The following JADE2 variants were observed in gnomAD, a reference collection of about 807,000 sequenced individuals.
JADE2 encodes the protein jade family PHD finger 2, also known as E3 ubiquitin-protein ligase Jade-2.
JADE2 carries 13 observed loss-of-function variants against 85.7 expected under a neutral mutation model. The ratio of observed to expected loss-of-function variants is 0.15; its 90% CI spans 0.10 to 0.24. The LOEUF is 0.24. JADE2 is among the 10% of genes least tolerant of loss of function. The pLI, the probability that JADE2 is intolerant of heterozygous loss-of-function variation, is 1.00. For missense variants in JADE2, 846 were observed against 1,115.9 expected, an observed-to-expected ratio of 0.76 and a Z score of 3.45; for synonymous variants, 440 against 456.1, an observed-to-expected ratio of 0.96 and a Z score of 0.45.
intron 1 of JADE2, among the ~76,000 whole-genome samples, chr5:134,528,726 G>A (rs1004922436): frequency 6.6e-6 from 1 of 152,196 alleles, no homozygotes; most frequent in South Asian, 2.1e-4. Context: ...GGAAGTCCTC[G>A]CCCCAGGCAG....
chr5:134,569,006 T>C (rs929458552), intron 9 of JADE2, among the ~76,000 whole-genome samples: 2 of 152,228 alleles, frequency 1.3e-5, no homozygotes, highest in Non-Finnish European at 2.9e-5. Flanking sequence ...AGCCTGACTT[T>C]GCATCCAGTT....
At chr5:134,543,706 AG>A (rs1415459518) in intron 3 of JADE2, among the ~76,000 whole-genome samples, 2 of 152,072 alleles carry the variant, frequency 1.3e-5, no homozygotes, top group Non-Finnish European at 2.9e-5. Flanking sequence ...AAAAGCAAAA[AG>A]ACAACTGCCA....
In JADE2 at chr5:134,575,971, T is replaced by C. The variant is rs1440962028; in HGVS notation, c.1553-797T>C. On this transcript the variant is annotated intron_variant, in intron 10 of 11. Coordinates refer to ENST00000681547, the MANE Select transcript of JADE2 (RefSeq NM_001388185.1). ...ATCCCAGCACTTTGGGAGGCCAAGG[T>C]GGAAGGATTACTGGAGCCCAAGAGT... Among the ~76,000 whole-genome samples the C allele has an allele frequency of 1.3e-5, 2 of 151,858 alleles. 1 individual carries two copies. Among genetic ancestry groups the C allele is most frequent in the East Asian group, 3.9e-4 (2 of 5,178 alleles).
intron 9 of JADE2, among the ~76,000 whole-genome samples, chr5:134,572,297 C>A (rs755250056): frequency 3.3e-5 from 5 of 152,228 alleles, no homozygotes; most frequent in Non-Finnish European, 2.9e-5. Context: ...GGCGCACACA[C>A]CAGCGTGGAA....
chr5:134,541,041 C>T (rs903988979), intron 3 of JADE2, among the ~76,000 whole-genome samples: 4 of 152,354 alleles, frequency 2.6e-5, no homozygotes, highest in Non-Finnish European at 4.4e-5. Flanking sequence ...ATGCCCAACC[C>T]TGCTGGGGAC....
At chr5:134,552,532 A>G (rs1762651983) in intron 4 of JADE2, among the ~76,000 whole-genome samples, 1 of 152,202 alleles carries the variant, frequency 6.6e-6, no homozygotes, top group African/African-American at 2.4e-5. Flanking sequence ...AATGCTAACA[A>G]TAACTAACCT....
chr5:134,566,040 TG>T lies in JADE2; in HGVS notation c.970-71del. 3 of 1,288,560 alleles carry T rather than the reference TG, an allele frequency of 2.3e-6. No homozygotes were observed. Among genetic ancestry groups the T allele is most frequent in the Non-Finnish European group, 3.3e-6 (3 of 908,190 alleles). The allele number at this position is 1,288,560 out of a possible 1,614,324, so 79.8% of individuals were successfully genotyped here. A position where few individuals can be genotyped will look rare whatever the true frequency, so the allele number is the denominator to read the frequency against. ...GCATTGCGCATTCTCAGTAGAGCCCTGGGGGAAGCCCCTCTGTCTTCTCCCC... is the reference window on the plus strand; with the variant it reads ...GCATTGCGCATTCTCAGTAGAGCCCTGGGGAAGCCCCTCTGTCTTCTCCCC... On this transcript the variant is annotated intron_variant, in intron 8 of 11. Transcript: ENST00000681547. The surrounding 1 kb of genome is among the most constrained non-coding windows in gnomAD (Gnocchi z 6.7).
intron 3 of JADE2, 39 bp downstream of exon 3, chr5:134,538,122 G>A (rs747635198): frequency 1.3e-5 from 19 of 1,494,238 alleles, no homozygotes; most frequent in Non-Finnish European, 1.5e-5. Flanking sequence ...TGTGGGGAGT[G>A]AGAGTGAGCT....
At chr5:134,559,213 G>C (rs185035482) in intron 4 of JADE2, among the ~76,000 whole-genome samples, 4 of 152,160 alleles carry the variant, frequency 2.6e-5, no homozygotes, top group Admixed American at 1.3e-4. Flanking sequence ...GTGTAACCAG[G>C]TAGGGCTCCT....
In JADE2 at chr5:134,526,532, G is replaced by C. The variant is rs1760831813; in HGVS notation, c.-1+521G>C. The C allele has an allele frequency of 4.1e-6, 4 of 985,274 alleles. No individual in the cohort carries two copies. The African/African-American group carries it at 7.0e-5, about 17-fold the overall frequency. The allele number at this position is 985,274 out of a possible 1,614,324, so 61.0% of individuals were successfully genotyped here. A position where few individuals can be genotyped will look rare whatever the true frequency, so the allele number is the denominator to read the frequency against. ...ATTTTGTTGATACGCAGCACGTCCG[G>C]GCGCCGAACCGGGCTGAGCCGGTGC... On this transcript the variant is annotated intron_variant, in intron 1 of 11. Transcript: ENST00000681547.
chr5:134,563,448 C>T (rs1446225981), intron 7 of JADE2, among the ~76,000 whole-genome samples: 1 of 152,154 alleles, frequency 6.6e-6, no homozygotes, highest in Non-Finnish European at 1.5e-5. Flanking sequence ...GGGCAACAGG[C>T]TGGGTCCAGA....
Position 134,538,083 on chromosome 5 carries a change from G to A in JADE2, c.153G>A (p.Glu51=), listed in dbSNP as rs1761717671. The change falls in exon 3 of 12, where the codon GAG becomes GAA. Residue 51 remains glutamate, a splice_region_variant and synonymous_variant. Coordinates refer to ENST00000681547, the MANE Select transcript of JADE2 (RefSeq NM_001388185.1). The stretch of plus-strand genomic sequence containing the variant: ...GACAGAACGAAAAGAAGCCCTCCGA[G>A]GTGGGTAGTGATGAGCTTCCCAGAG... ...WPRQNEKKPS[E]VFRTDLITAM... is the part of the protein sequence containing the mutation. The A allele has an allele frequency of 6.2e-7, 1 of 1,612,358 alleles. No individual in the cohort carries two copies. The highest frequency in any genetic ancestry group is 8.5e-7 in the Non-Finnish European group (1 of 1,178,376).
chr5:134,570,255 C>T (rs1763907314), intron 9 of JADE2, among the ~76,000 whole-genome samples: 1 of 152,120 alleles, frequency 6.6e-6, no homozygotes, highest in Admixed American at 6.5e-5. Flanking sequence ...TCCCCTCTGT[C>T]CTCATACCAG....
rs779382869 is a variant in JADE2, at chr5:134,579,234, G to A, written c.2422G>A (p.Glu808Lys). ...SDGEMSDSDV[E>K]AEDGGVQRGP... is the part of the protein sequence containing the mutation. ...TGGGGAGATGAGCGACTCAGATGTA[G>A]AGGCCGAGGACGGTGGGGTGCAGCG... is the stretch of plus-strand genomic sequence containing the variant. Residue 808 changes from glutamate to lysine, a missense_variant, in exon 12 of 12, where the codon GAG (glutamate) becomes AAG (lysine). Glu to Lys is a moderately conservative substitution (Grantham distance 56). Transcript: ENST00000681547. This position sits in a 1 kb window ranked among gnomAD's most constrained non-coding sequence, Gnocchi z 4.6. The A allele has an allele frequency of 1.2e-6, 2 of 1,614,096 alleles. No homozygotes were observed. Among genetic ancestry groups the A allele is most frequent in the South Asian group, 2.2e-5 (2 of 91,088 alleles).
chr5:134,537,192 C>T (rs541796531), intron 2 of JADE2, among the ~76,000 whole-genome samples: 1 of 152,334 alleles, frequency 6.6e-6, no homozygotes, highest in South Asian at 2.1e-4. Context: ...AGGCTCCCCA[C>T]CAGCCCCCTC....
intron 3 of JADE2, among the ~76,000 whole-genome samples, chr5:134,545,967 T>A (rs934783989): frequency 8.5e-5 from 13 of 152,170 alleles, no homozygotes; most frequent in Admixed American, 7.9e-4. Flanking sequence ...AAAGCCATTT[T>A]AATTGGCTTT....
chr5:134,555,985 T>A lies in JADE2; in HGVS notation c.311+3776T>A, dbSNP rs554503366. On this transcript the variant is annotated intron_variant, in intron 4 of 11. Transcript: ENST00000681547. ...CTTCCTCCTGGCTCGGAGGCCATTCTCTCTGCCGGGTTGGGCCCCTGCCTC... is the reference window on the plus strand; with the variant it reads ...CTTCCTCCTGGCTCGGAGGCCATTCACTCTGCCGGGTTGGGCCCCTGCCTC... Among the ~76,000 whole-genome samples the A allele has an allele frequency of 7.0e-4, 106 of 152,266 alleles. 1 individual carries two copies. The highest frequency in any genetic ancestry group is 6.9e-3 in the Admixed American group (105 of 15,294).
chr5:134,541,613 G>C (rs1054100045), intron 3 of JADE2, among the ~76,000 whole-genome samples: 2 of 152,222 alleles, frequency 1.3e-5, no homozygotes, highest in African/African-American at 4.8e-5. Flanking sequence ...CACTTACGGA[G>C]TGATGTGTGT....
rs115066442 is a variant in JADE2, at chr5:134,579,078, C to G, written c.2266C>G (p.Arg756Gly). 3 of 1,613,968 alleles carry G rather than the reference C, an allele frequency of 1.9e-6. No homozygotes were observed. The highest frequency in any genetic ancestry group is 1.3e-5 in the African/African-American group (1 of 75,064). Reference protein sequence around the residue: ...PKPLGRLRPPRESKVTRRLPG... With the variant: ...PKPLGRLRPPGESKVTRRLPG... ...GCCTTTGGGCCGGCTCCGGCCACCC[C>G]GCGAGAGCAAGGTAACCCGGAGATT... Residue 756 changes from arginine to glycine, a missense_variant, in exon 12 of 12, where the codon CGC becomes GGC. Transcript: ENST00000681547. The surrounding 1 kb of genome is among the most constrained non-coding windows in gnomAD (Gnocchi z 4.6).
Sources: allele counts gnomAD v4.1 joint callset (sites outside exome capture counted in the v4.1 genomes callset), GRCh38; gene constraint gnomAD v4.1.1; non-coding constraint Gnocchi (gnomAD v3.1); transcripts MANE v1.5; gene names NCBI Gene and HGNC (gene_info 2026-07-23, HGNC 2026-07-21).